Variants in VWA5B1 observed in about 807,000 individuals in gnomAD.
VWA5B1 encodes von Willebrand factor A domain containing 5B1, also known as von Willebrand factor A domain-containing protein 5B1.
Under a neutral mutation model 118.2 loss-of-function variants are expected in VWA5B1, and 115 were observed. That is an observed-to-expected ratio of 0.97 (90% CI 0.84 to 1.14). The LOEUF (loss-of-function observed/expected upper bound fraction) is 1.14, where lower values mean the gene tolerates loss of function less well. Ranked by LOEUF, VWA5B1 falls within the 50% of genes most tolerant of loss-of-function variation. The pLI is 0.00. For missense variants in VWA5B1, 1,596 were observed against 1,603.8 expected (o/e 1.00, Z 0.08); for synonymous variants, 682 against 658.4 (o/e 1.04, Z -0.55).
rs557748289 is a variant in VWA5B1 at position 20,304,479 on chromosome 1, A to G, written c.-26-6097A>G. Among the ~76,000 whole-genome samples the G allele has an allele frequency of 2.2e-4, 33 of 151,986 alleles. 1 individual carries two copies. Among genetic ancestry groups the G allele is most frequent in the African/African-American group, 7.9e-4 (33 of 41,528 alleles). On this transcript the variant is annotated intron_variant, in intron 1 of 21. Transcript: ENST00000289815. The stretch of plus-strand genomic sequence containing the variant: ...AAGGACCCAATGGGGAGAGCCTTGA[A>G]TGCCACACTAGATGTTTGACTTACT...
chr1:20,342,264 G>T (rs2089894503), intron 14 of VWA5B1, among the ~76,000 whole-genome samples, 168 bp from the exon 15 acceptor site: 1 of 151,414 alleles, frequency 6.6e-6, no homozygotes, highest in Non-Finnish European at 1.5e-5. Context: ...AGTACTGGAG[G>T]GGCAGTGCCC....
rs773251106 is a variant in VWA5B1, at chr1:20,336,330, C to A, written c.1786C>A (p.His596Asn). ...SDKRRRYSML[H>N]SQESGSSVFY... is the part of the protein sequence containing the mutation. ...CAAGAGGCGCCGGTACAGCATGCTG[C>A]ACTCTCAGGAGTCTGGCAGCTCTGT... The change falls in exon 13 of 22, where the codon CAC (histidine) becomes AAC (asparagine). Residue 596 changes from histidine (H) to asparagine (N), a missense_variant. By Grantham distance (68) the His-to-Asn change is moderately conservative (BLOSUM62 1). Transcript: ENST00000289815. 5.3e-6 allele frequency: 8 copies of A among 1,508,790 alleles called. No homozygotes were observed. Among genetic ancestry groups the A allele is most frequent in the Non-Finnish European group, 7.1e-6 (8 of 1,124,006 alleles). 93.5% of individuals were successfully genotyped at this position (1,508,790 alleles called of 1,614,324 possible).
intron 1 of VWA5B1, among the ~76,000 whole-genome samples, chr1:20,296,017 C>A (rs2088400088): frequency 6.6e-6 from 1 of 152,162 alleles, no homozygotes; most frequent in Admixed American, 6.5e-5. Flanking sequence ...TGTGCACCAC[C>A]AAGCCTGGCT....
At chr1:20,349,757 A>G (rs1179023825) in intron 18 of VWA5B1, among the ~76,000 whole-genome samples, 3 of 132,168 alleles carry the variant, frequency 2.3e-5, no homozygotes, top group Non-Finnish European at 4.7e-5. Context: ...TTTTTTTGAG[A>G]CAGGGCCCGT....
At chr1:20,329,633 G>A (rs1161014973) in intron 9 of VWA5B1, among the ~76,000 whole-genome samples, 1 of 152,146 alleles carries the variant, frequency 6.6e-6, no homozygotes, top group Non-Finnish European at 1.5e-5. Flanking sequence ...CCCTGAGCCA[G>A]GAGAAGGAGG....
intron 1 of VWA5B1, among the ~76,000 whole-genome samples, chr1:20,301,335 G>A (rs2088498180): frequency 6.6e-6 from 1 of 152,196 alleles, no homozygotes; most frequent in Non-Finnish European, 1.5e-5. Flanking sequence ...GCATTTTATA[G>A]GACAGTGTCT....
At chr1:20,347,816 G>C (rs1211184275) in intron 17 of VWA5B1, among the ~76,000 whole-genome samples, 1 of 151,640 alleles carries the variant, frequency 6.6e-6, no homozygotes, top group Admixed American at 6.6e-5. Context: ...GTGATGCCCT[G>C]GGATTTCAGG....
intron 1 of VWA5B1, among the ~76,000 whole-genome samples, chr1:20,304,238 C>T (rs1002707203): frequency 2.6e-5 from 4 of 152,084 alleles, no homozygotes; most frequent in East Asian, 3.9e-4. Flanking sequence ...TATGCAAGCC[C>T]GGAGGAGAGC....
At chr1:20,307,830 A>G (rs553842757) in intron 1 of VWA5B1, among the ~76,000 whole-genome samples, 1 of 146,690 alleles carries the variant, frequency 6.8e-6, no homozygotes, top group East Asian at 2.0e-4. Flanking sequence ...TTTTTGTAAT[A>G]TAGATTTTGG....
At chr1:20,302,596 C>G (rs779266977) in intron 1 of VWA5B1, among the ~76,000 whole-genome samples, 1 of 152,140 alleles carries the variant, frequency 6.6e-6, no homozygotes, top group Non-Finnish European at 1.5e-5. Context: ...TTGCGGTAGC[C>G]CAGCCTAGCA....
At chr1:20,352,203 C>T (rs1208131802) in intron 21 of VWA5B1, 31 bp downstream of exon 21, 2 of 1,511,816 alleles carry the variant, frequency 1.3e-6, no homozygotes, top group Admixed American at 4.0e-5. Flanking sequence ...TGTCAGTCTC[C>T]CTCCGCTCCA....
At chr1:20,343,501 G>A (rs1207769181) in intron 16 of VWA5B1, 108 bp downstream of exon 16, 19 of 1,309,680 alleles carry the variant, frequency 1.5e-5, no homozygotes, top group African/African-American at 1.1e-4. Context: ...TCTCAGCCCC[G>A]CGTGGTCCGC....
chr1:20,328,031 G>A (rs773216146), intron 9 of VWA5B1, 31 bp downstream of exon 9: 5 of 1,531,704 alleles, frequency 3.3e-6, no homozygotes, highest in South Asian at 2.4e-5. Context: ...GGACCAGGAG[G>A]GTGGTGCATG....
chr1:20,357,056 G>T lies in VWA5B1; in HGVS notation c.*2793G>T, dbSNP rs2090242526. ...TAATCTGGTTTAACTTGCTAAACCAGCCCTTGCTTTCTAGGTCATACAAAG... is the reference window on the plus strand; with the variant it reads ...TAATCTGGTTTAACTTGCTAAACCATCCCTTGCTTTCTAGGTCATACAAAG... On this transcript the variant is annotated 3_prime_UTR_variant, in exon 22 of 22. Coordinates refer to ENST00000289815, the MANE Select transcript of VWA5B1 (RefSeq NM_001039500.3). Among the ~76,000 whole-genome samples the T allele has an allele frequency of 2.0e-5, 3 of 152,200 alleles. No individual in the cohort carries two copies. In the South Asian group the frequency reaches 6.2e-4, roughly 32 times the overall value.
chr1:20,313,351 T>C (rs1286347054), intron 3 of VWA5B1, among the ~76,000 whole-genome samples: 1 of 152,256 alleles, frequency 6.6e-6, no homozygotes, highest in Non-Finnish European at 1.5e-5. Flanking sequence ...CTTCCTTTCC[T>C]GTTGCTCACA....
rs569912171 is a variant in VWA5B1, at chr1:20,332,731, A to G, written c.1573-35A>G. 1.9e-4 allele frequency: 301 copies of G among 1,546,236 alleles called. No homozygotes were observed. The African/African-American group carries it at 2.6e-3, about 13-fold the overall frequency. ...ATCTTCTGTACACATCTCTTCTCAT[A>G]CATCCCCCAACTGCATTCTGACCCT... On this transcript the variant is annotated intron_variant, in intron 11 of 21. Coordinates refer to ENST00000289815, the MANE Select transcript of VWA5B1 (RefSeq NM_001039500.3).
Position 20,355,217 on chromosome 1 carries a change from C to T in VWA5B1, c.*954C>T, listed in dbSNP as rs1294967706. ...CAGGGGGTCCTCTGGAGCCATGCCA[C>T]GCTGTGGGAGAGAGGCTTGGCTGCA... On this transcript the variant is annotated 3_prime_UTR_variant, in exon 22 of 22. Coordinates refer to ENST00000289815, the MANE Select transcript of VWA5B1 (RefSeq NM_001039500.3). 5.3e-5 allele frequency among the ~76,000 whole-genome samples: 8 copies of T among 152,196 alleles called. No individual in the cohort carries two copies. The highest frequency in any genetic ancestry group is 1.9e-4 in the East Asian group (1 of 5,194).
intron 8 of VWA5B1, among the ~76,000 whole-genome samples, chr1:20,327,679 G>C (rs976456122): frequency 4.0e-5 from 6 of 151,854 alleles, no homozygotes; most frequent in African/African-American, 1.5e-4. Context: ...GGTGGTGGTG[G>C]TGGTGGTGGT....
chr1:20,353,811 G>T lies in VWA5B1; in HGVS notation c.3196G>T (p.Ala1066Ser). The T allele has an allele frequency of 6.7e-7, 1 of 1,493,900 alleles. No homozygotes were observed. Among genetic ancestry groups the T allele is most frequent in the Admixed American group, 2.3e-5 (1 of 43,428 alleles). The allele number at this position is 1,493,900 out of a possible 1,614,324, so 92.5% of individuals were successfully genotyped here. ...AFLLNEAFCE[A>S]THIPMEKLKW... ...CCTGCTCAACGAAGCCTTCTGTGAG[G>T]CCACGCACATCCCCATGGAGAAGCT... The change falls in exon 22 of 22, where the codon GCC becomes TCC. Residue 1066 changes from alanine (A) to serine (S), a missense_variant. Coordinates refer to ENST00000289815, the MANE Select transcript of VWA5B1 (RefSeq NM_001039500.3).
Sources: gnomAD v4.1 joint callset for allele counts (sites outside exome capture counted in the v4.1 genomes callset) on GRCh38, gnomAD v4.1.1 for gene constraint, MANE v1.5 for transcripts, NCBI Gene and HGNC (gene_info 2026-07-23, HGNC 2026-07-21) for gene names.